The following LRBA variants were observed in gnomAD, a reference collection of about 807,000 sequenced individuals.
The protein encoded by LRBA is LPS responsive beige-like anchor protein.
Under a neutral mutation model 330.0 loss-of-function variants are expected in LRBA, and 176 were observed. That is an observed-to-expected ratio of 0.53 (90% CI 0.47 to 0.60). The LOEUF is 0.60. LRBA is among the 20% of genes least tolerant of loss of function. The pLI is 0.00. For missense variants in LRBA, 3,259 were observed against 3,444.8 expected (o/e 0.95, Z 1.35); for synonymous variants, 1,230 against 1,193.0 (o/e 1.03, Z -0.64).
chr4:150,479,345 A>T (rs1238511290), intron 42 of LRBA, among the ~76,000 whole-genome samples: 5 of 152,202 alleles, frequency 3.3e-5, no homozygotes, highest in Non-Finnish European at 7.4e-5. Context: ...GTATGAAAAC[A>T]TATACTAGGT....
chr4:150,686,950 G>A (rs1418114917), intron 36 of LRBA, among the ~76,000 whole-genome samples: 1 of 152,046 alleles, frequency 6.6e-6, no homozygotes, highest in Non-Finnish European at 1.5e-5. Flanking sequence ...GGTTTAAAGT[G>A]TTCTTTAATG....
intron 31 of LRBA, among the ~76,000 whole-genome samples, chr4:150,811,677 T>A (rs980646500): frequency 1.1e-4 from 16 of 152,048 alleles, no homozygotes; most frequent in East Asian, 7.7e-4. Context: ...TAATTTTTTT[T>A]AATTTCTTGT....
intron 40 of LRBA, among the ~76,000 whole-genome samples, chr4:150,522,029 G>A (rs752193708): frequency 6.6e-6 from 1 of 152,034 alleles, no homozygotes; most frequent in Non-Finnish European, 1.5e-5. Context: ...TATTACTGCT[G>A]TAACAAATTA....
chr4:150,470,259 C>T (rs1755932781), intron 43 of LRBA, among the ~76,000 whole-genome samples: 1 of 152,190 alleles, frequency 6.6e-6, no homozygotes. Flanking sequence ...AAGTCTCCCT[C>T]TCCACTCTGT....
intron 2 of LRBA, among the ~76,000 whole-genome samples, chr4:150,932,290 T>G (rs1734595085): frequency 6.6e-6 from 1 of 151,046 alleles, no homozygotes; most frequent in South Asian, 2.1e-4. Flanking sequence ...CCCATATCAT[T>G]ACATAAGCAC....
rs36013649 is a variant in LRBA at position 150,966,475 on chromosome 4, A to ATT, written c.217-37412_217-37411dup. Among the ~76,000 whole-genome samples, 483 of 114,552 alleles carry ATT rather than the reference A, an allele frequency of 4.2e-3. 2 individuals carry two copies. The highest frequency in any genetic ancestry group is 0.013 in the African/African-American group (382 of 29,012). The allele number at this position is 114,552 out of a possible 152,430, so 75.2% of individuals were successfully genotyped here. On this transcript the variant is annotated intron_variant, in intron 2 of 56. Coordinates refer to ENST00000651943, the MANE Select transcript of LRBA (RefSeq NM_001364905.1). Reference sequence around the variant, plus strand: ...AGGTGCCCGCCACCACACCCAGCTAATTTTTTTTTTTTTTTTTTTTTTGGT... The same window carrying ATT: ...AGGTGCCCGCCACCACACCCAGCTAATTTTTTTTTTTTTTTTTTTTTTTTGGT...
chr4:150,754,128 C>T (rs1173550862), intron 35 of LRBA, among the ~76,000 whole-genome samples: 1 of 141,378 alleles, frequency 7.1e-6, no homozygotes, highest in Non-Finnish European at 1.5e-5. Flanking sequence ...ATAAAGTGCA[C>T]AAAACAAGCC....
chr4:150,534,371 A>C (rs1177967196), intron 40 of LRBA, among the ~76,000 whole-genome samples: 1 of 143,340 alleles, frequency 7.0e-6, no homozygotes, highest in Non-Finnish European at 1.5e-5. Context: ...AATAATAATA[A>C]TAATAATTTT....
At chr4:150,724,865 A>AATATATGTATATATATACATAT (rs1346444123) in intron 36 of LRBA, among the ~76,000 whole-genome samples, 78 of 148,134 alleles carry the variant, frequency 5.3e-4, no homozygotes, top group South Asian at 2.5e-3. Flanking sequence ...AATAAATTTA[A>AATATATGTATATATATACATAT]ATATATGTAT....
At chr4:150,528,296 G>A (rs576879921) in intron 40 of LRBA, among the ~76,000 whole-genome samples, 85 of 152,016 alleles carry the variant, frequency 5.6e-4, no homozygotes, top group Non-Finnish European at 8.7e-4. Context: ...TCAGGAGATC[G>A]AGACCATCCT....
intron 2 of LRBA, among the ~76,000 whole-genome samples, chr4:151,000,369 GA>G (rs1743197099): frequency 1.3e-5 from 2 of 152,026 alleles, no homozygotes; most frequent in East Asian, 1.9e-4. Flanking sequence ...CTCAGCACAT[GA>G]TTTTTTTTCC....
chr4:150,571,835 C>T (rs1277987114), intron 40 of LRBA, among the ~76,000 whole-genome samples: 2 of 151,022 alleles, frequency 1.3e-5, no homozygotes, highest in East Asian at 1.9e-4. Context: ...TTTTTAAAAA[C>T]ATTTACTTTT....
At chr4:150,829,539 T>C (rs1274999764) in intron 29 of LRBA, among the ~76,000 whole-genome samples, 1 of 152,210 alleles carries the variant, frequency 6.6e-6, no homozygotes, top group East Asian at 1.9e-4. Flanking sequence ...TCCCTCCAAC[T>C]AGACAATGCT....
At chr4:150,935,109 G>T (rs2149518179) in intron 2 of LRBA, among the ~76,000 whole-genome samples, 1 of 151,394 alleles carries the variant, frequency 6.6e-6, no homozygotes, top group African/African-American at 2.4e-5. Flanking sequence ...CCAGGAGGTG[G>T]AAGCTGCAGT....
intron 47 of LRBA, among the ~76,000 whole-genome samples, chr4:150,372,957 A>G (rs1390795988): frequency 6.6e-6 from 1 of 151,982 alleles, no homozygotes; most frequent in Non-Finnish European, 1.5e-5. Context: ...GATCTGAGAA[A>G]TGCTCCATAT....
At chr4:150,473,452 G>C (rs781221596) in intron 42 of LRBA, among the ~76,000 whole-genome samples, 24 of 152,180 alleles carry the variant, frequency 1.6e-4, no homozygotes, top group Non-Finnish European at 2.9e-4. Context: ...AGAGAGATTA[G>C]TACTTGAACC....
intron 47 of LRBA, 142 bp downstream of exon 47, chr4:150,415,296 T>C (rs187843949): frequency 4.7e-4 from 266 of 571,488 alleles, no homozygotes; most frequent in Non-Finnish European, 7.5e-4. Context: ...ACAAGGATTC[T>C]TGAGCTATTA....
chr4:150,570,040 T>C (rs554817128), intron 40 of LRBA, among the ~76,000 whole-genome samples: 1 of 152,190 alleles, frequency 6.6e-6, no homozygotes, highest in African/African-American at 2.4e-5. Flanking sequence ...ATAAGCTACA[T>C]AAAGAAATTT....
intron 34 of LRBA, among the ~76,000 whole-genome samples, chr4:150,775,275 G>GT (rs1388632105): frequency 6.6e-6 from 1 of 152,122 alleles, no homozygotes; most frequent in African/African-American, 2.4e-5. Flanking sequence ...TGCAGTGTGA[G>GT]TAAGTAGGTC....
Sources: gnomAD v4.1 joint callset for allele counts (sites outside exome capture counted in the v4.1 genomes callset) on GRCh38, gnomAD v4.1.1 for gene constraint, MANE v1.5 for transcripts, NCBI Gene and HGNC (gene_info 2026-07-23, HGNC 2026-07-21) for gene names.